The following DPH6 variants were observed in gnomAD, a reference collection of about 807,000 sequenced individuals.
DPH6 encodes diphthamine biosynthesis 6.
A neutral mutation model predicts 38.2 loss-of-function variants in DPH6; 33 were observed. That is an observed-to-expected ratio of 0.86 (90% CI 0.65 to 1.15). The LOEUF is 1.15. Among genes scored for constraint, DPH6 ranks in the 50% most tolerant of loss-of-function variants. The pLI is 0.00. For missense variants in DPH6, 325 were observed against 320.0 expected, an observed-to-expected ratio of 1.02 and a Z score of -0.12; for synonymous variants, 108 against 103.0, an observed-to-expected ratio of 1.05 and a Z score of -0.30.
intron 3 of DPH6, among the ~76,000 whole-genome samples, chr15:35,280,906 T>G (rs776836901): frequency 9.2e-5 from 14 of 152,344 alleles, no homozygotes; most frequent in Non-Finnish European, 1.8e-4. Flanking sequence ...TACTTTTCTA[T>G]GCTTTCTACT....
chr15:35,461,954 A>G (rs1016384125), intron 3 of DPH6, among the ~76,000 whole-genome samples: 1 of 152,172 alleles, frequency 6.6e-6, no homozygotes, highest in African/African-American at 2.4e-5. Context: ...AAAGCTCTTG[A>G]TCCAGCACAT....
intron 5 of DPH6, among the ~76,000 whole-genome samples, chr15:35,436,753 G>T (rs1595562143): frequency 1.4e-5 from 2 of 144,080 alleles, no homozygotes; most frequent in Non-Finnish European, 1.5e-5. Context: ...CTGCCTTTAA[G>T]TTTTTTTTTT....
chr15:35,361,570 C>T (rs1048605720), intron 3 of DPH6, among the ~76,000 whole-genome samples: 5 of 150,730 alleles, frequency 3.3e-5, no homozygotes, highest in African/African-American at 1.2e-4. Flanking sequence ...GATTGGTCTG[C>T]TTGATCATGT....
At chr15:35,175,021 T>C in the DPH6 span, among the ~76,000 whole-genome samples, 3 of 152,244 alleles carry the variant, frequency 2.0e-5, no homozygotes, top group African/African-American at 7.2e-5. Flanking sequence ...TATGCTATTC[T>C]TTTTCAAAGC....
downstream of DPH6, among the ~76,000 whole-genome samples, chr15:35,212,938 A>G (rs767941760): frequency 2.6e-5 from 4 of 152,266 alleles, no homozygotes; most frequent in Admixed American, 1.3e-4. Context: ...ATTAAACTTA[A>G]CAACAAAATA....
chr15:35,476,962 CACA>C (rs1484258837), intron 3 of DPH6, among the ~76,000 whole-genome samples: 1 of 151,662 alleles, frequency 6.6e-6, no homozygotes. Flanking sequence ...TAAAAATGAA[CACA>C]ACATGAGACT....
the DPH6 span, among the ~76,000 whole-genome samples, chr15:35,200,937 A>C: frequency 1.3e-5 from 2 of 150,298 alleles, no homozygotes; most frequent in Non-Finnish European, 3.0e-5. Flanking sequence ...ATAAAAATAT[A>C]TAAAAAAGAA....
chr15:35,288,379 G>C (rs1471486363), intron 3 of DPH6, among the ~76,000 whole-genome samples: 1 of 152,102 alleles, frequency 6.6e-6, no homozygotes, highest in African/African-American at 2.4e-5. Context: ...TACCAGTAAG[G>C]TTTTGGAAAT....
chr15:35,250,302 C>G (rs960298662), intron 3 of DPH6, among the ~76,000 whole-genome samples: 1 of 152,014 alleles, frequency 6.6e-6, no homozygotes, highest in Non-Finnish European at 1.5e-5. Flanking sequence ...AAGAGAAGGC[C>G]ATGACAATAA....
At chr15:35,539,019 T>C (rs1280103705) in intron 2 of DPH6, among the ~76,000 whole-genome samples, 1 of 152,018 alleles carries the variant, frequency 6.6e-6, no homozygotes, top group Non-Finnish European at 1.5e-5. Context: ...TGTTAGAGCA[T>C]TAGAGCAGTT....
At chr15:35,463,136 A>G (rs1360220201) in intron 3 of DPH6, among the ~76,000 whole-genome samples, 3 of 152,146 alleles carry the variant, frequency 2.0e-5, no homozygotes, top group African/African-American at 7.2e-5. Flanking sequence ...ACAGATATAT[A>G]CGAGTATGTG....
At chr15:35,300,730 A>G (rs1176910540) in intron 3 of DPH6, among the ~76,000 whole-genome samples, 1 of 152,200 alleles carries the variant, frequency 6.6e-6, no homozygotes, top group Non-Finnish European at 1.5e-5. Context: ...GACTGTTTCC[A>G]TAAGTTATGT....
the DPH6 span, among the ~76,000 whole-genome samples, chr15:35,147,585 TC>T: frequency 4.6e-5 from 7 of 152,106 alleles, no homozygotes; most frequent in Non-Finnish European, 7.4e-5. Flanking sequence ...GCTTCATATA[TC>T]CAGACTTGTG....
the DPH6 span, among the ~76,000 whole-genome samples, chr15:35,174,897 A>G: frequency 6.6e-6 from 1 of 151,902 alleles, no homozygotes; most frequent in Non-Finnish European, 1.5e-5. Flanking sequence ...AGTATGATTT[A>G]TATGTAATTT....
At chr15:35,298,995 T>C (rs1156735203) in intron 3 of DPH6, 2 of 748,498 alleles carry the variant, frequency 2.7e-6, no homozygotes, top group Non-Finnish European at 4.9e-6. Flanking sequence ...AGAATCCGGA[T>C]CTGAACTCCT....
At chr15:35,393,762 A>G (rs917757397) in intron 6 of DPH6, among the ~76,000 whole-genome samples, 20 of 152,170 alleles carry the variant, frequency 1.3e-4, no homozygotes, top group African/African-American at 4.8e-4. Context: ...CTCGAATGTC[A>G]AGGTGGCATA....
intron 3 of DPH6, among the ~76,000 whole-genome samples, chr15:35,343,709 T>C (rs2052440314): frequency 6.6e-6 from 1 of 152,022 alleles, no homozygotes; most frequent in African/African-American, 2.4e-5. Context: ...AAACGTTGGA[T>C]TTGGTGACAT....
At chr15:35,229,801 C>T (rs1470798278) in intron 3 of DPH6, among the ~76,000 whole-genome samples, 1 of 152,218 alleles carries the variant, frequency 6.6e-6, no homozygotes, top group East Asian at 1.9e-4. Flanking sequence ...TAGAGGTATA[C>T]TGCCTTGACT....
At chr15:35,459,861 C>G (rs55669026) in intron 3 of DPH6, among the ~76,000 whole-genome samples, 1 of 152,122 alleles carries the variant, frequency 6.6e-6, no homozygotes, top group Non-Finnish European at 1.5e-5. Context: ...CCAGTATGCA[C>G]TAAGATTTAT....
Sources: allele counts gnomAD v4.1 joint callset (sites outside exome capture counted in the v4.1 genomes callset), GRCh38; gene constraint gnomAD v4.1.1; transcripts MANE v1.5; gene names NCBI Gene and HGNC (gene_info 2026-07-23, HGNC 2026-07-21).